Variants in TBC1D4 observed in about 807,000 individuals in gnomAD.
TBC1D4 encodes TBC1 domain family member 4, also known as TBC (Tre-2, BUB2, CDC16) domain-containing protein.
Under a neutral mutation model 142.5 loss-of-function variants are expected in TBC1D4, and 121 were observed. The observed-to-expected ratio is 0.85, with a 90% CI of 0.73 to 0.99. TBC1D4 has a LOEUF of 0.99. Ranked by LOEUF, TBC1D4 falls within the 50% of genes least tolerant of loss-of-function variation. TBC1D4 has a pLI of 0.00. For missense variants in TBC1D4, 1,475 were observed against 1,606.6 expected, an observed-to-expected ratio of 0.92 and a Z score of 1.40; for synonymous variants, 630 against 628.2, an observed-to-expected ratio of 1.00 and a Z score of -0.04.
chr13:75,381,272 A>G (rs1286356283), intron 1 of TBC1D4, among the ~76,000 whole-genome samples: 1 of 152,202 alleles, frequency 6.6e-6, no homozygotes, highest in Non-Finnish European at 1.5e-5. Flanking sequence ...ATGTCCCACA[A>G]ACACCAGTCC....
Position 75,362,303 on chromosome 13 carries a change from G to C in TBC1D4, c.803C>G (p.Pro268Arg). 6.2e-7 allele frequency: 1 copy of C among 1,613,934 alleles called. No individual in the cohort carries two copies. Among genetic ancestry groups the C allele is most frequent in the Non-Finnish European group, 8.5e-7 (1 of 1,180,012 alleles). Reference sequence around the variant, plus strand: ...GGTGTCGGTGCCGTCAGCCTCCTCCGGCAGGCAGTCTCCGGGGGACCCGGG... The same window carrying C: ...GGTGTCGGTGCCGTCAGCCTCCTCCCGCAGGCAGTCTCCGGGGGACCCGGG... ...VVPGSPGDCL[P>R]EEADGTDTHL... The change falls in exon 2 of 21, where the codon CCG becomes CGG. Residue 268 changes from proline to arginine, a missense_variant. Pro to Arg is a moderately radical substitution (Grantham distance 103). This residue lies in a region of TBC1D4 where 1,227 missense variants were observed against 1,267.7 expected (regional missense o/e 0.97). Transcript: ENST00000377636. This position sits in a 1 kb window ranked among gnomAD's most constrained non-coding sequence, Gnocchi z 4.2.
At chr13:75,317,753 A>G (rs1878434966) in intron 12 of TBC1D4, among the ~76,000 whole-genome samples, 1 of 152,214 alleles carries the variant, frequency 6.6e-6, no homozygotes, top group Admixed American at 6.5e-5. Context: ...AGGAAACATA[A>G]CTTGGAGAAC....
intron 18 of TBC1D4, among the ~76,000 whole-genome samples, chr13:75,292,771 T>C (rs1051021069): frequency 1.4e-5 from 2 of 148,058 alleles, no homozygotes; most frequent in African/African-American, 5.0e-5. Flanking sequence ...ATGAAAAACA[T>C]ACAACCTCAA....
intron 1 of TBC1D4, among the ~76,000 whole-genome samples, chr13:75,452,263 T>G (rs911775610): frequency 6.6e-6 from 1 of 152,202 alleles, no homozygotes; most frequent in African/African-American, 2.4e-5. Flanking sequence ...GATTAGCTTT[T>G]GCATTTCCTC....
At chr13:75,478,144 C>T (rs1888694105) in intron 1 of TBC1D4, among the ~76,000 whole-genome samples, 1 of 152,180 alleles carries the variant, frequency 6.6e-6, no homozygotes, top group Non-Finnish European at 1.5e-5. Flanking sequence ...GTAGATCCAA[C>T]TCCAATATGT....
chr13:75,445,017 CA>C (rs1019950463), intron 1 of TBC1D4, among the ~76,000 whole-genome samples: 1 of 152,024 alleles, frequency 6.6e-6, no homozygotes, highest in Non-Finnish European at 1.5e-5. Flanking sequence ...ATAACACCCC[CA>C]AAAAAGTCAC....
intron 1 of TBC1D4, among the ~76,000 whole-genome samples, chr13:75,419,277 C>T (rs1355817050): frequency 6.6e-6 from 1 of 152,144 alleles, no homozygotes; most frequent in East Asian, 1.9e-4. Flanking sequence ...AATCATTTGG[C>T]CTCTCTACCG....
intron 3 of TBC1D4, 123 bp from the exon 4 acceptor site, chr13:75,356,374 G>A (rs1332911259): frequency 1.3e-6 from 1 of 746,920 alleles, no homozygotes; most frequent in African/African-American, 1.7e-5. Flanking sequence ...TCACAGCAAT[G>A]AAGGGGGGAC....
In TBC1D4 at chr13:75,312,813, TC is replaced by T. The variant is rs1877914450; in HGVS notation, c.2307del (p.Ile770SerfsTer15). On this transcript the variant is annotated frameshift_variant, in exon 13 of 21. Transcript: ENST00000377636. LOFTEE classifies it high-confidence loss of function. ...SVGGTSVTPR[R>X]ISWRQRIFLR... ...AGGAAAATGCGCTGCCGCCAGGAGA[TC>T]CGGCGAGGAGTGACAGAGGTTCCTC... The T allele has an allele frequency of 1.2e-6, 2 of 1,614,192 alleles. No homozygotes were observed. Among genetic ancestry groups the T allele is most frequent in the Non-Finnish European group, 1.7e-6 (2 of 1,180,036 alleles).
intron 1 of TBC1D4, among the ~76,000 whole-genome samples, chr13:75,444,871 G>GA (rs896701657): frequency 8.3e-4 from 126 of 152,072 alleles, no homozygotes; most frequent in Non-Finnish European, 1.6e-3. Context: ...TTCAATATTG[G>GA]AAAAAATGAT....
intron 13 of TBC1D4, among the ~76,000 whole-genome samples, chr13:75,312,425 AAAGAAAG>A (rs1352076150): frequency 2.5e-4 from 16 of 65,250 alleles, no homozygotes; most frequent in South Asian, 1.5e-3. Flanking sequence ...GGAAAAAAAA[AAAGAAAG>A]AAAGAAAGAA....
At chr13:75,314,955 G>A (rs1878149941) in intron 12 of TBC1D4, among the ~76,000 whole-genome samples, 1 of 151,910 alleles carries the variant, frequency 6.6e-6, no homozygotes, top group East Asian at 1.9e-4. Flanking sequence ...ATTTCAGCCT[G>A]GGCAACAGAG....
At chr13:75,440,192 C>T (rs1057514755) in intron 1 of TBC1D4, among the ~76,000 whole-genome samples, 1 of 151,420 alleles carries the variant, frequency 6.6e-6, no homozygotes, top group Admixed American at 6.6e-5. Context: ...AGTGTTATAA[C>T]TGGAAAAGAA....
At chr13:75,394,642 C>CAAT (rs1181679712) in intron 1 of TBC1D4, among the ~76,000 whole-genome samples, 2 of 152,078 alleles carry the variant, frequency 1.3e-5, no homozygotes, top group East Asian at 3.8e-4. Flanking sequence ...ATTTCAAATA[C>CAAT]AATAGACGCT....
chr13:75,459,932 G>A (rs924714318), intron 1 of TBC1D4, among the ~76,000 whole-genome samples: 1 of 152,142 alleles, frequency 6.6e-6, no homozygotes, highest in African/African-American at 2.4e-5. Context: ...CACGAGGTCA[G>A]GAGATCAAGA....
chr13:75,369,125 G>C (rs551830043), intron 1 of TBC1D4, among the ~76,000 whole-genome samples: 1 of 152,326 alleles, frequency 6.6e-6, no homozygotes, highest in Admixed American at 6.5e-5. Flanking sequence ...TAACAAGACA[G>C]AAGATGGCAT....
intron 1 of TBC1D4, among the ~76,000 whole-genome samples, chr13:75,398,532 T>C (rs1321427754): frequency 6.6e-6 from 1 of 152,022 alleles, no homozygotes; most frequent in Non-Finnish European, 1.5e-5. Flanking sequence ...AACTTGGGGG[T>C]CAACTTAAGA....
intron 1 of TBC1D4, among the ~76,000 whole-genome samples, chr13:75,412,802 A>G (rs1885735817): frequency 6.6e-6 from 1 of 152,252 alleles, no homozygotes; most frequent in Non-Finnish European, 1.5e-5. Context: ...ATCTATTAAC[A>G]ACGCCAATTT....
At chr13:75,424,830 A>C (rs1366778868) in intron 1 of TBC1D4, among the ~76,000 whole-genome samples, 1 of 152,146 alleles carries the variant, frequency 6.6e-6, no homozygotes, top group Non-Finnish European at 1.5e-5. Context: ...ATAAAGTTAG[A>C]CCCTTATCTC....
Sources: allele counts gnomAD v4.1 joint callset (sites outside exome capture counted in the v4.1 genomes callset), GRCh38; gene constraint gnomAD v4.1.1; regional missense constraint gnomAD v4.1.1; non-coding constraint Gnocchi (gnomAD v3.1); transcripts MANE v1.5; gene names NCBI Gene and HGNC (gene_info 2026-07-23, HGNC 2026-07-21).